Variants in SNX3 observed in about 807,000 individuals in gnomAD.
SNX3 encodes sorting nexin 3, also known as sorting nexin-3.
Under a neutral mutation model 17.7 loss-of-function variants are expected in SNX3, and 5 were observed. That is an observed-to-expected ratio of 0.28 (90% CI 0.15 to 0.59). The LOEUF is 0.59. Among genes scored for constraint, SNX3 ranks in the 20% least tolerant of loss-of-function variants. SNX3 has a pLI of 0.88. For synonymous variants in SNX3, 91 were observed against 76.5 expected, an observed-to-expected ratio of 1.19 and a Z score of -0.99; for missense variants, 132 against 206.8, an observed-to-expected ratio of 0.64 and a Z score of 2.22.
intron 1 of SNX3, among the ~76,000 whole-genome samples, chr6:108,255,646 C>T (rs886478296): frequency 2.6e-5 from 4 of 152,208 alleles, no homozygotes; most frequent in Middle Eastern, 3.4e-3. Context: ...CCACCGTGCC[C>T]GACCCCCCGA....
intron 1 of SNX3, among the ~76,000 whole-genome samples, chr6:108,245,638 G>A (rs775272670): frequency 8.5e-5 from 13 of 152,096 alleles, no homozygotes; most frequent in Admixed American, 2.0e-4. Context: ...ACTTTTTAAC[G>A]ACTGCCATTC....
chr6:108,248,452 T>C (rs1416034303), intron 1 of SNX3, among the ~76,000 whole-genome samples: 1 of 152,150 alleles, frequency 6.6e-6, no homozygotes, highest in Non-Finnish European at 1.5e-5. Context: ...AAACTTAGCA[T>C]TGCAAGTACT....
intron 1 of SNX3, among the ~76,000 whole-genome samples, chr6:108,233,888 T>C (rs1461882371): frequency 6.6e-6 from 1 of 152,140 alleles, no homozygotes; most frequent in African/African-American, 2.4e-5. Context: ...AATAATACTG[T>C]GAGAATGGAG....
chr6:108,222,556 T>C (rs543267776), intron 2 of SNX3, among the ~76,000 whole-genome samples: 3 of 152,236 alleles, frequency 2.0e-5, no homozygotes, highest in African/African-American at 7.2e-5. Flanking sequence ...AACATATATG[T>C]GATGAAAAAA....
intron 1 of SNX3, among the ~76,000 whole-genome samples, chr6:108,227,414 T>A (rs1775008170): frequency 6.6e-6 from 1 of 152,186 alleles, no homozygotes. Flanking sequence ...ACAGGTACAA[T>A]GTTGAGAGAA....
chr6:108,212,938 A>C (rs1371876917), intron 3 of SNX3, among the ~76,000 whole-genome samples: 1 of 141,944 alleles, frequency 7.0e-6, no homozygotes, highest in Non-Finnish European at 1.5e-5. Context: ...CCCAGGCTAG[A>C]GTGCAGTGGT....
intron 2 of SNX3, among the ~76,000 whole-genome samples, chr6:108,217,802 T>C (rs1774634770): frequency 6.6e-6 from 1 of 150,694 alleles, no homozygotes; most frequent in African/African-American, 2.4e-5. Context: ...AATGCAAAGA[T>C]ATGTGCGTGC....
chr6:108,258,472 A>G (rs183438038), intron 1 of SNX3, among the ~76,000 whole-genome samples: 26 of 151,638 alleles, frequency 1.7e-4, no homozygotes, highest in African/African-American at 6.1e-4. Context: ...AAAAAAAAAA[A>G]AAATTTTCTT....
chr6:108,229,172 A>G (rs186653908), intron 1 of SNX3, among the ~76,000 whole-genome samples: 1 of 151,330 alleles, frequency 6.6e-6, no homozygotes, highest in Admixed American at 6.6e-5. Context: ...TGGCAGGATA[A>G]TCGCTTGAAC....
chr6:108,243,294 TGTG>T (rs1451224172), intron 1 of SNX3, among the ~76,000 whole-genome samples: 3 of 152,062 alleles, frequency 2.0e-5, no homozygotes, highest in African/African-American at 4.8e-5. Context: ...GGGCTACAAT[TGTG>T]GTAATTTTTA....
At chr6:108,221,215 T>C (rs1031190752) in intron 2 of SNX3, among the ~76,000 whole-genome samples, 5 of 152,134 alleles carry the variant, frequency 3.3e-5, no homozygotes, top group Admixed American at 6.6e-5. Context: ...CCTTCCCTTG[T>C]GCTCTATATG....
At chr6:108,227,717 T>C (rs1775017297) in intron 1 of SNX3, among the ~76,000 whole-genome samples, 1 of 152,168 alleles carries the variant, frequency 6.6e-6, no homozygotes, top group Non-Finnish European at 1.5e-5. Context: ...GCCCATTACA[T>C]ATGCAGTGGT....
intron 2 of SNX3, among the ~76,000 whole-genome samples, chr6:108,216,820 G>A (rs932599073): frequency 1.3e-5 from 2 of 152,116 alleles, no homozygotes; most frequent in African/African-American, 4.8e-5. Flanking sequence ...AAAACCAAAT[G>A]TCCAAATAAA....
At chr6:108,255,423 C>T (rs1342143029) in intron 1 of SNX3, among the ~76,000 whole-genome samples, 1 of 152,086 alleles carries the variant, frequency 6.6e-6, no homozygotes, top group Admixed American at 6.6e-5. Context: ...GATCGTGGCT[C>T]ACTGCAGTGT....
rs141919725 is a variant in SNX3, at chr6:108,215,851, G to C, written c.259-1229C>G. 3.2e-3 allele frequency among the ~76,000 whole-genome samples: 486 copies of C among 152,150 alleles called. 4 individuals are homozygous for C. Among genetic ancestry groups the C allele is most frequent in the African/African-American group, 0.011 (470 of 41,500 alleles). ...GGAGGCGGAAGTGGGATGATCACTTGAGTCCAGGAGTTCAGGACTGGAGTG... is the reference window on the plus strand; with the variant it reads ...GGAGGCGGAAGTGGGATGATCACTTCAGTCCAGGAGTTCAGGACTGGAGTG... On this transcript the variant is annotated intron_variant, in intron 2 of 3. Coordinates refer to ENST00000230085, the MANE Select transcript of SNX3 (RefSeq NM_003795.6).
intron 1 of SNX3, among the ~76,000 whole-genome samples, chr6:108,243,110 T>A (rs941623199): frequency 3.9e-5 from 6 of 152,238 alleles, no homozygotes; most frequent in African/African-American, 1.2e-4. Flanking sequence ...TTACTTTTTT[T>A]AAGAGACAGC....
intron 3 of SNX3, 71 bp from the exon 4 acceptor site, chr6:108,212,325 A>T (rs1774431487): frequency 1.9e-6 from 2 of 1,062,298 alleles, no homozygotes; most frequent in African/African-American, 1.6e-5. Context: ...ACATATTTTA[A>T]AGTTGAGAAG....
chr6:108,214,373 T>C, intron 3 of SNX3, 125 bp downstream of exon 3: 3 of 865,762 alleles, frequency 3.5e-6, no homozygotes, highest in Non-Finnish European at 5.3e-6. Flanking sequence ...TTTTACTTTG[T>C]TTAAATGATA....
intron 1 of SNX3, among the ~76,000 whole-genome samples, chr6:108,236,531 C>A (rs1210761845): frequency 6.6e-6 from 1 of 151,064 alleles, no homozygotes; most frequent in Middle Eastern, 3.4e-3. Context: ...CTACAGGCGC[C>A]CGCCACTACG....
Sources: gnomAD v4.1 joint callset for allele counts (sites outside exome capture counted in the v4.1 genomes callset) on GRCh38, gnomAD v4.1.1 for gene constraint, MANE v1.5 for transcripts, NCBI Gene and HGNC (gene_info 2026-07-23, HGNC 2026-07-21) for gene names.